Variants in OTOA observed in about 807,000 individuals in gnomAD.
OTOA encodes otoancorin, also known as cancer/testis antigen 108.
OTOA carries 70 observed loss-of-function variants against 110.8 expected under a neutral mutation model. That is an observed-to-expected ratio of 0.63 (90% confidence interval 0.52 to 0.77). The LOEUF is 0.77. Among genes scored for constraint, OTOA ranks in the 30% least tolerant of loss-of-function variants. The pLI is 0.00. For missense variants in OTOA, 917 were observed against 1,075.8 expected (o/e 0.85, Z 2.06); for synonymous variants, 373 against 431.5 (o/e 0.86, Z 1.68).
intron 9 of OTOA, among the ~76,000 whole-genome samples, chr16:21,694,450 A>C (rs1897893009): frequency 6.6e-6 from 1 of 152,090 alleles, no homozygotes; most frequent in Non-Finnish European, 1.5e-5. Flanking sequence ...CTCTAAAAAA[A>C]AGTCCAAAAT....
chr16:21,665,027 T>C (rs984776577), intron 1 of OTOA, among the ~76,000 whole-genome samples: 5 of 150,476 alleles, frequency 3.3e-5, no homozygotes, highest in South Asian at 2.1e-4. Flanking sequence ...CAAATAAAGT[T>C]GATAGTTTTT....
At chr16:21,733,048 C>T (rs1391524618) in intron 21 of OTOA, among the ~76,000 whole-genome samples, 1 of 79,580 alleles carries the variant, frequency 1.3e-5, no homozygotes, top group Non-Finnish European at 2.6e-5. Flanking sequence ...CTCCCTCCCA[C>T]CCCAGACTTC....
chr16:21,696,208 A>T (rs1897937734), intron 9 of OTOA, among the ~76,000 whole-genome samples: 1 of 151,858 alleles, frequency 6.6e-6, no homozygotes, highest in African/African-American at 2.4e-5. Context: ...GATGGTTTTT[A>T]AAATTCCACT....
chr16:21,719,612 C>T, intron 17 of OTOA, 108 bp downstream of exon 17: 2 of 1,082,716 alleles, frequency 1.8e-6, no homozygotes, highest in Non-Finnish European at 1.4e-6. Flanking sequence ...CATTCAGACG[C>T]AAGTGATGAC....
At chr16:21,675,077 CTTT>C (rs2141649595) in intron 1 of OTOA, among the ~76,000 whole-genome samples, 1 of 101,698 alleles carries the variant, frequency 9.8e-6, no homozygotes, top group Admixed American at 9.8e-5. Context: ...TTCTTTCTTT[CTTT>C]CTTTCTTTCT....
intron 17 of OTOA, among the ~76,000 whole-genome samples, chr16:21,722,281 A>C (rs1192184291): frequency 3.3e-5 from 5 of 150,282 alleles, no homozygotes; most frequent in South Asian, 2.1e-4. Context: ...AAAAAAAAAA[A>C]ACACAAGTGA....
intron 8 of OTOA, 118 bp downstream of exon 8, chr16:21,687,766 C>G: frequency 1.1e-6 from 1 of 883,448 alleles, no homozygotes; most frequent in Non-Finnish European, 1.8e-6. Flanking sequence ...CTCCCAGGTT[C>G]AAGTGATTCT....
At chr16:21,730,664 CTGAT>C (rs1444978002) in intron 20 of OTOA, 169 bp from the exon 21 acceptor site, 1 of 584,170 alleles carries the variant, frequency 1.7e-6, no homozygotes, top group African/African-American at 1.9e-5. Flanking sequence ...AGGGATGACT[CTGAT>C]TGGTCAGCCT....
At chr16:21,676,201 G>A (rs758611379) in intron 1 of OTOA, among the ~76,000 whole-genome samples, 8 of 152,172 alleles carry the variant, frequency 5.3e-5, no homozygotes, top group Non-Finnish European at 1.0e-4. Context: ...TTATAGGCAT[G>A]AGCCACTGTG....
intron 24 of OTOA, among the ~76,000 whole-genome samples, chr16:21,750,004 G>T (rs1899777511): frequency 6.7e-6 from 1 of 150,292 alleles, no homozygotes; most frequent in African/African-American, 2.4e-5. Flanking sequence ...TTTTGTAGCT[G>T]ATCTTCATAG....
chr16:21,739,011 T>G (rs1406530574), intron 22 of OTOA, among the ~76,000 whole-genome samples: 2 of 152,294 alleles, frequency 1.3e-5, no homozygotes, highest in Non-Finnish European at 2.9e-5. Context: ...GCTCTTACTG[T>G]GTGCATGTGG....
At chr16:21,701,164 G>A in intron 11 of OTOA, 137 bp downstream of exon 11, 1 of 1,327,330 alleles carries the variant, frequency 7.5e-7, no homozygotes, top group Non-Finnish European at 1.1e-6. Flanking sequence ...ATATTTCTCT[G>A]TGCATGTGAG....
chr16:21,687,182 G>C (rs1419246946), intron 7 of OTOA, among the ~76,000 whole-genome samples: 1 of 152,200 alleles, frequency 6.6e-6, no homozygotes, highest in Non-Finnish European at 1.5e-5. Context: ...AGGGCCTGAT[G>C]TATGCTGGTC....
intron 5 of OTOA, 24 bp downstream of exon 5, chr16:21,679,235 G>T (rs1188804029): frequency 2.5e-6 from 4 of 1,609,368 alleles, no homozygotes; most frequent in Non-Finnish European, 3.4e-6. Flanking sequence ...GAGGAGAGGG[G>T]AAGGGATGGT....
chr16:21,749,614 T>C (rs894906222), intron 24 of OTOA, among the ~76,000 whole-genome samples: 7 of 142,782 alleles, frequency 4.9e-5, no homozygotes, highest in African/African-American at 1.8e-4. Flanking sequence ...GGTCTCTCCT[T>C]GGATGTCTCC....
At chr16:21,664,519 AT>A (rs1234214226) in intron 1 of OTOA, among the ~76,000 whole-genome samples, 1 of 152,160 alleles carries the variant, frequency 6.6e-6, no homozygotes, top group African/African-American at 2.4e-5. Flanking sequence ...AACTATCACA[AT>A]GATTATTTGT....
At chr16:21,674,513 T>C (rs1013062046) in intron 1 of OTOA, among the ~76,000 whole-genome samples, 1 of 152,144 alleles carries the variant, frequency 6.6e-6, no homozygotes, top group Non-Finnish European at 1.5e-5. Context: ...TTTGTATTTT[T>C]AGTAGAGATG....
intron 5 of OTOA, among the ~76,000 whole-genome samples, 199 bp from the exon 6 acceptor site, chr16:21,681,539 C>T (rs866315559): frequency 2.6e-5 from 4 of 151,722 alleles, no homozygotes; most frequent in Middle Eastern, 3.4e-3. Context: ...GCCGTGATCG[C>T]GCAACAGAGC....
At chr16:21,681,912 T>C in intron 6 of OTOA, 87 bp downstream of exon 6, 1 of 1,236,474 alleles carries the variant, frequency 8.1e-7, no homozygotes, top group Non-Finnish European at 1.2e-6. Flanking sequence ...AGAAGTGGGC[T>C]GGATGTAGAG....
Sources: allele counts gnomAD v4.1 joint callset (sites outside exome capture counted in the v4.1 genomes callset), GRCh38; gene constraint gnomAD v4.1.1; transcripts MANE v1.5; gene names NCBI Gene and HGNC (gene_info 2026-07-23, HGNC 2026-07-21).